Variants in FER observed in about 807,000 individuals in gnomAD.
FER encodes the protein FER tyrosine kinase.
Under a neutral mutation model 111.0 loss-of-function variants are expected in FER, and 63 were observed. The observed-to-expected ratio is 0.57, with a 90% CI of 0.46 to 0.70. FER has a LOEUF of 0.70. FER is among the 30% of genes least tolerant of loss of function. FER has a pLI of 0.00. For missense variants in FER, 914 were observed against 954.0 expected (o/e 0.96, Z 0.55); for synonymous variants, 327 against 313.9 (o/e 1.04, Z -0.44).
At chr5:109,069,456 CTT>C (rs1399412687) in intron 16 of FER, among the ~76,000 whole-genome samples, 1 of 152,102 alleles carries the variant, frequency 6.6e-6, no homozygotes, top group Non-Finnish European at 1.5e-5. Context: ...TAGAAGAACA[CTT>C]TCTGAAATGT....
chr5:108,765,446 G>T (rs1752214605), intron 1 of FER, among the ~76,000 whole-genome samples: 1 of 151,848 alleles, frequency 6.6e-6, no homozygotes. Context: ...TTTTGACAGG[G>T]TATTGCTCTC....
intron 16 of FER, among the ~76,000 whole-genome samples, chr5:109,082,737 A>G (rs934999882): frequency 6.6e-6 from 1 of 151,962 alleles, no homozygotes; most frequent in Non-Finnish European, 1.5e-5. Context: ...CTGTACTATT[A>G]GAATGTCAAC....
At chr5:109,133,138 A>G (rs1054436230) in intron 17 of FER, among the ~76,000 whole-genome samples, 2 of 152,212 alleles carry the variant, frequency 1.3e-5, no homozygotes, top group Non-Finnish European at 2.9e-5. Context: ...GCAGAGGGTT[A>G]TCTAGCTTGA....
chr5:108,775,729 A>G (rs1310060119), intron 2 of FER, among the ~76,000 whole-genome samples: 2 of 152,208 alleles, frequency 1.3e-5, no homozygotes, highest in Non-Finnish European at 2.9e-5. Flanking sequence ...TCAAATTAAG[A>G]AAGCATAGGA....
intron 16 of FER, among the ~76,000 whole-genome samples, chr5:109,071,414 G>A (rs893584285): frequency 1.1e-4 from 17 of 151,842 alleles, no homozygotes; most frequent in African/African-American, 3.6e-4. Context: ...CACAGCAGGG[G>A]GTACATCATA....
rs1240033820 is a variant in FER, at chr5:109,145,864, A to AT, written c.2049-34881dup. On this transcript the variant is annotated intron_variant, in intron 17 of 19. Transcript: ENST00000281092. ...AAGGCCTTGAGTAGATGTGCTGAAT[A>AT]TTGAAGCTATTTGGCTGCCTAGAAA... 2.6e-5 allele frequency among the ~76,000 whole-genome samples: 4 copies of AT among 151,964 alleles called. No homozygotes were observed. The Middle Eastern group carries it at 0.01, about 388-fold the overall frequency.
At chr5:109,138,568 T>A (rs1280474808) in intron 17 of FER, among the ~76,000 whole-genome samples, 1 of 152,210 alleles carries the variant, frequency 6.6e-6, no homozygotes, top group East Asian at 1.9e-4. Context: ...GGCCTTAGAC[T>A]TAGTTACTCT....
intron 3 of FER, among the ~76,000 whole-genome samples, chr5:108,816,796 A>G (rs958450519): frequency 1.8e-4 from 28 of 152,080 alleles, no homozygotes; most frequent in African/African-American, 6.0e-4. Flanking sequence ...AATAATTGGT[A>G]TTTTTAAAAA....
intron 17 of FER, among the ~76,000 whole-genome samples, chr5:109,101,992 A>G (rs1472744777): frequency 6.6e-6 from 1 of 152,122 alleles, no homozygotes; most frequent in African/African-American, 2.4e-5. Context: ...GTCAGTTACC[A>G]TGACTCTTCT....
At chr5:109,042,088 A>G (rs1277698527) in intron 14 of FER, among the ~76,000 whole-genome samples, 9 of 152,170 alleles carry the variant, frequency 5.9e-5, no homozygotes, top group Admixed American at 3.9e-4. Flanking sequence ...AGAAGGCACT[A>G]TGCAAGTCGG....
rs1423182404 is a variant in FER at position 109,195,661 on chromosome 5, TTACTA to T, written c.*8090_*8094del. On this transcript the variant is annotated 3_prime_UTR_variant, in exon 20 of 20. Transcript: ENST00000281092. ...TCTTATACCTGCTGAGCATTTCACTTTACTATACAAAATGTCAGCTACCCAGTTGC... is the reference window on the plus strand; with the variant it reads ...TCTTATACCTGCTGAGCATTTCACTTTACAAAATGTCAGCTACCCAGTTGC... The T allele has an allele frequency of 6.6e-6, 1 of 152,138 alleles. No homozygotes were observed. The highest frequency in any genetic ancestry group is 1.9e-4 in the East Asian group (1 of 5,186). 9.4% of individuals were successfully genotyped at this position (152,138 alleles called of 1,614,324 possible).
chr5:108,751,215 CAAAA>C (rs1288040321), intron 1 of FER, among the ~76,000 whole-genome samples: 5 of 151,684 alleles, frequency 3.3e-5, no homozygotes, highest in Non-Finnish European at 5.9e-5. Context: ...AACAAACAAA[CAAAA>C]AAACCACAAA....
At chr5:108,912,331 G>C (rs1480531336) in intron 10 of FER, among the ~76,000 whole-genome samples, 1 of 152,064 alleles carries the variant, frequency 6.6e-6, no homozygotes, top group African/African-American at 2.4e-5. Context: ...CCTGCCTAAA[G>C]GGTTTACCTT....
At chr5:108,885,468 G>A (rs1056165131) in intron 9 of FER, among the ~76,000 whole-genome samples, 1 of 151,940 alleles carries the variant, frequency 6.6e-6, no homozygotes, top group African/African-American at 2.4e-5. Flanking sequence ...TAGACTAGGT[G>A]ACTTAATAAA....
At chr5:109,137,372 A>T (rs891154762) in intron 17 of FER, among the ~76,000 whole-genome samples, 88 of 152,328 alleles carry the variant, frequency 5.8e-4, no homozygotes, top group African/African-American at 2.1e-3. Context: ...CTAAAGCTGT[A>T]TAGTTCTGCC....
At chr5:109,127,360 A>C (rs1258914333) in intron 17 of FER, among the ~76,000 whole-genome samples, 1 of 152,102 alleles carries the variant, frequency 6.6e-6, no homozygotes, top group East Asian at 1.9e-4. Context: ...ATGTTCATAT[A>C]ATATGTGCCT....
At chr5:109,164,780 T>C (rs1467468300) in intron 17 of FER, among the ~76,000 whole-genome samples, 2 of 152,136 alleles carry the variant, frequency 1.3e-5, no homozygotes, top group Non-Finnish European at 2.9e-5. Context: ...TACATCCTAA[T>C]CCTTATTTTC....
At chr5:109,139,353 T>C (rs1243856802) in intron 17 of FER, among the ~76,000 whole-genome samples, 12 of 140,104 alleles carry the variant, frequency 8.6e-5, no homozygotes, top group Non-Finnish European at 1.6e-4. Context: ...TTTCTTTCTT[T>C]TTTTTTTTTT....
intron 5 of FER, among the ~76,000 whole-genome samples, chr5:108,846,373 G>C (rs1367751849): frequency 6.6e-6 from 1 of 151,922 alleles, no homozygotes; most frequent in Non-Finnish European, 1.5e-5. Flanking sequence ...CTAGGAGTAC[G>C]AAGTTATATG....
Sources: allele counts gnomAD v4.1 joint callset (sites outside exome capture counted in the v4.1 genomes callset), GRCh38; gene constraint gnomAD v4.1.1; transcripts MANE v1.5; gene names NCBI Gene and HGNC (gene_info 2026-07-23, HGNC 2026-07-21).